EVA1C: variants seen among roughly 807,000 people sequenced by gnomAD.
The protein encoded by EVA1C is protein eva-1 homolog C.
A neutral mutation model predicts 45.4 loss-of-function variants in EVA1C; 25 were observed. That is an observed-to-expected ratio of 0.55 (90% confidence interval 0.40 to 0.77). The LOEUF (loss-of-function observed/expected upper bound fraction) is 0.77, where lower values mean the gene tolerates loss of function less well. Among genes scored for constraint, EVA1C ranks in the 30% least tolerant of loss-of-function variants. EVA1C has a pLI of 0.00. For missense variants in EVA1C, 479 were observed against 554.8 expected (o/e 0.86, Z 1.37); for synonymous variants, 190 against 221.2 (o/e 0.86, Z 1.25).
At chr21:32,496,789 G>C in intron 5 of EVA1C, 2 of 734,122 alleles carry the variant, frequency 2.7e-6, no homozygotes, top group Non-Finnish European at 4.9e-6. Flanking sequence ...CTGGGCTGGG[G>C]CCGCCATAGC....
intron 1 of EVA1C, among the ~76,000 whole-genome samples, chr21:32,425,564 G>T (rs1182950682): frequency 6.6e-6 from 1 of 152,138 alleles, no homozygotes. Context: ...TCTTGTCTCA[G>T]ATTTCTGTGT....
chr21:32,460,079 A>G (rs1041825), intron 3 of EVA1C, among the ~76,000 whole-genome samples: 93,233 of 152,072 alleles, frequency 0.61, 31,363 homozygotes, highest in African/African-American at 0.89. Flanking sequence ...GTGAGGTTTC[A>G]TCTGGTTTAT....
intron 7 of EVA1C, among the ~76,000 whole-genome samples, chr21:32,507,398 G>A (rs1261665903): frequency 8.6e-6 from 1 of 116,900 alleles, no homozygotes; most frequent in African/African-American, 4.3e-5. Context: ...GTGCGTCTGT[G>A]AGCATGTGCA....
At chr21:32,494,452 T>C (rs2037273314) in intron 4 of EVA1C, among the ~76,000 whole-genome samples, 2 of 152,204 alleles carry the variant, frequency 1.3e-5, no homozygotes, top group Admixed American at 1.3e-4. Context: ...TTTTAACCAG[T>C]GCAAAATGAA....
chr21:32,430,593 T>C (rs2034660390), intron 1 of EVA1C, among the ~76,000 whole-genome samples: 2 of 152,092 alleles, frequency 1.3e-5, no homozygotes, highest in African/African-American at 2.4e-5. Context: ...GCCTCATGAT[T>C]ATAGCAGAAG....
At chr21:32,469,302 A>C (rs1440018684) in intron 4 of EVA1C, among the ~76,000 whole-genome samples, 1 of 152,228 alleles carries the variant, frequency 6.6e-6, no homozygotes, top group African/African-American at 2.4e-5. Flanking sequence ...GGAGAAGGCC[A>C]GGGGTTCCTG....
At chr21:32,514,698 G>A (rs1158388680) in intron 7 of EVA1C, 116 bp from the exon 8 acceptor site, 3 of 1,202,542 alleles carry the variant, frequency 2.5e-6, no homozygotes, top group Non-Finnish European at 3.4e-6. Flanking sequence ...CAAAGATGCT[G>A]GACTGGCATT....
At chr21:32,485,663 T>C (rs909793198) in intron 4 of EVA1C, among the ~76,000 whole-genome samples, 2 of 152,206 alleles carry the variant, frequency 1.3e-5, no homozygotes, top group Non-Finnish European at 2.9e-5. Flanking sequence ...CCAAATTGTT[T>C]GAGTTCCTGA....
At chr21:32,426,208 C>T (rs970832157) in intron 1 of EVA1C, among the ~76,000 whole-genome samples, 4 of 152,164 alleles carry the variant, frequency 2.6e-5, no homozygotes, top group African/African-American at 9.7e-5. Flanking sequence ...TTGCCTTCAT[C>T]TCAAGCTAGA....
chr21:32,486,526 A>G (rs2036978251), intron 4 of EVA1C, among the ~76,000 whole-genome samples: 1 of 152,156 alleles, frequency 6.6e-6, no homozygotes, highest in African/African-American at 2.4e-5. Context: ...CTGACTCTAA[A>G]TGCCCACCAA....
intron 1 of EVA1C, among the ~76,000 whole-genome samples, chr21:32,426,464 T>A (rs1649604900): frequency 6.6e-6 from 1 of 151,958 alleles, no homozygotes; most frequent in African/African-American, 2.4e-5. Flanking sequence ...TCCCCGACTT[T>A]CCTCCTTCCC....
chr21:32,480,275 TG>T (rs2036729644), intron 4 of EVA1C, among the ~76,000 whole-genome samples: 1 of 126,626 alleles, frequency 7.9e-6, no homozygotes, highest in South Asian at 2.6e-4. Flanking sequence ...CATTCCAGCC[TG>T]GTTGACAGAG....
At position 32,432,079 on chromosome 21, in the gene EVA1C, T is replaced by C. The variant is rs2034727866; in HGVS notation, c.160+19066T>C. On this transcript the variant is annotated intron_variant, in intron 1 of 7. Coordinates refer to ENST00000300255, the MANE Select transcript of EVA1C (RefSeq NM_058187.5). ...ATTGGTATTCTTGAAGAACGCAAGATGGTTATTTGATGGAATGTCCCTTAC... is the reference window on the plus strand; with the variant it reads ...ATTGGTATTCTTGAAGAACGCAAGACGGTTATTTGATGGAATGTCCCTTAC... Among the ~76,000 whole-genome samples the C allele has an allele frequency of 1.3e-5, 2 of 152,204 alleles. 1 individual carries two copies. The highest frequency in any genetic ancestry group is 4.2e-4 in the South Asian group (2 of 4,796).
intron 5 of EVA1C, among the ~76,000 whole-genome samples, chr21:32,496,225 G>A (rs1018765977): frequency 6.6e-6 from 1 of 152,140 alleles, no homozygotes; most frequent in African/African-American, 2.4e-5. Flanking sequence ...GCCTCTTCTA[G>A]ACATTTCCTA....
intron 6 of EVA1C, among the ~76,000 whole-genome samples, chr21:32,502,653 A>G (rs529987706): frequency 6.6e-6 from 1 of 152,302 alleles, no homozygotes; most frequent in East Asian, 1.9e-4. Context: ...TATGAAAACC[A>G]TATGAAAGCA....
intron 1 of EVA1C, among the ~76,000 whole-genome samples, chr21:32,444,281 A>T (rs9982003): frequency 0.51 from 77,540 of 151,924 alleles, 20,542 homozygotes; most frequent in African/African-American, 0.63. Flanking sequence ...ATCCCACAGA[A>T]TGAGTCTCGG....
intron 4 of EVA1C, among the ~76,000 whole-genome samples, chr21:32,489,858 T>TGGG (rs2037096382): frequency 6.6e-6 from 1 of 152,180 alleles, no homozygotes; most frequent in African/African-American, 2.4e-5. Flanking sequence ...TATGCCATTG[T>TGGG]AAATGGGATC....
rs570401389 is a variant in EVA1C at position 32,497,269 on chromosome 21, A to C, written c.778+2099A>C. The C allele has an allele frequency of 3.7e-5, 28 of 748,454 alleles. No individual in the cohort carries two copies. The South Asian group carries it at 3.9e-4, about 10-fold the overall frequency. The allele number at this position is 748,454 out of a possible 1,614,324, so 46.4% of individuals were successfully genotyped here. On this transcript the variant is annotated intron_variant, in intron 5 of 7. Transcript: ENST00000300255. Reference sequence around the variant, plus strand: ...TTTTAGAAGCTTGTGAACACATGACATTAGATCAAAGAAAACAAATCTCCA... The same window carrying C: ...TTTTAGAAGCTTGTGAACACATGACCTTAGATCAAAGAAAACAAATCTCCA...
chr21:32,424,600 G>A (rs369475678), intron 1 of EVA1C, among the ~76,000 whole-genome samples: 2 of 152,168 alleles, frequency 1.3e-5, no homozygotes, highest in East Asian at 1.9e-4. Context: ...TCCTTCCAAA[G>A]CTAATGATGC....
Sources: allele counts gnomAD v4.1 joint callset (sites outside exome capture counted in the v4.1 genomes callset), GRCh38; gene constraint gnomAD v4.1.1; transcripts MANE v1.5; gene names NCBI Gene and HGNC (gene_info 2026-07-23, HGNC 2026-07-21).